ANKRD10: variants seen among roughly 807,000 people sequenced by gnomAD.
ANKRD10 encodes the protein ankyrin repeat domain 10.
In ANKRD10, 14 loss-of-function variants were observed where a neutral mutation model predicts 27.0. The ratio of observed to expected loss-of-function variants is 0.52; its 90% confidence interval spans 0.34 to 0.81. The LOEUF is 0.81. Ranked by LOEUF, ANKRD10 falls within the 40% of genes least tolerant of loss-of-function variation. The pLI, the probability that ANKRD10 is intolerant of heterozygous loss-of-function variation, is 0.01. For missense variants in ANKRD10, 493 were observed against 544.0 expected (o/e 0.91, Z 0.93); for synonymous variants, 250 against 224.5 (o/e 1.11, Z -1.01).
In ANKRD10 at chr13:110,914,762, C is replaced by T; in HGVS notation, c.173G>A (p.Gly58Asp). ...CGCGGCCCAGTGCACGGGCGTCCAGCCATAGAAGGAGTCCTCAGAGGCCAG... is the reference window on the plus strand; with the variant it reads ...CGCGGCCCAGTGCACGGGCGTCCAGTCATAGAAGGAGTCCTCAGAGGCCAG... ...AHLASEDSFY[G>D]WTPVHWAAHF... Residue 58 changes from glycine (G) to aspartate (D), a missense_variant, in exon 1 of 6, where the codon GGC becomes GAC. Coordinates refer to ENST00000267339, the MANE Select transcript of ANKRD10 (RefSeq NM_017664.4). 1 of 1,598,214 alleles carries T rather than the reference C, an allele frequency of 6.3e-7. No homozygotes were observed. The highest frequency in any genetic ancestry group is 1.3e-5 in the African/African-American group (1 of 74,578).
At chr13:110,899,269 T>C (rs1420254869) in intron 3 of ANKRD10, 3 of 152,218 alleles carry the variant, frequency 2.0e-5, no homozygotes, top group Admixed American at 6.5e-5. Flanking sequence ...CTATTTTGAA[T>C]GCAAACTGGT....
intron 3 of ANKRD10, chr13:110,903,464 T>G (rs1197507008): frequency 1.3e-5 from 2 of 154,740 alleles, no homozygotes; most frequent in African/African-American, 4.8e-5. Context: ...GAAAGTCCAT[T>G]AACATACTCA....
At chr13:110,880,422 A>G (rs2064792544) in intron 5 of ANKRD10, among the ~76,000 whole-genome samples, 1 of 152,224 alleles carries the variant, frequency 6.6e-6, no homozygotes, top group South Asian at 2.1e-4. Context: ...AGCCATCAAT[A>G]AAGTGCTCTC....
At chr13:110,887,557 TA>T (rs1315997702) in intron 4 of ANKRD10, among the ~76,000 whole-genome samples, 1 of 152,180 alleles carries the variant, frequency 6.6e-6, no homozygotes, top group Non-Finnish European at 1.5e-5. Flanking sequence ...AAGCACTCTA[TA>T]AAGTCATACT....
At chr13:110,910,260 C>T (rs1187075918) in intron 2 of ANKRD10, among the ~76,000 whole-genome samples, 4 of 152,170 alleles carry the variant, frequency 2.6e-5, no homozygotes, top group Non-Finnish European at 5.9e-5. Context: ...CATGCTTTTC[C>T]CAGGATGAAA....
chr13:110,910,699 C>G lies in ANKRD10; in HGVS notation c.282G>C (p.Thr94=). The change falls in exon 2 of 6, where the codon ACG becomes ACC. Residue 94 remains threonine (T), a synonymous_variant. Coordinates refer to ENST00000267339, the MANE Select transcript of ANKRD10 (RefSeq NM_017664.4). Reference sequence around the variant, plus strand: ...CCCCAAAGGCTGCAATGTGGGCTGGCGTCTGCGCGTACCGTGTGGTGGAGA... The same window carrying G: ...CCCCAAAGGCTGCAATGTGGGCTGGGGTCTGCGCGTACCGTGTGGTGGAGA... ...LNVSTTRYAQ[T]PAHIAAFGGH... 1.2e-6 allele frequency: 2 copies of G among 1,614,140 alleles called. No homozygotes were observed. The highest frequency in any genetic ancestry group is 1.7e-6 in the Non-Finnish European group (2 of 1,180,022).
chr13:110,880,059 T>C lies in ANKRD10; in HGVS notation c.841A>G (p.Asn281Asp). Reference sequence around the variant, plus strand: ...GTGGAGGGGAAGTCCAAATGTCCATTGATGACACATCCATTTGTCAATGTA... The same window carrying C: ...GTGGAGGGGAAGTCCAAATGTCCATCGATGACACATCCATTTGTCAATGTA... Reference protein sequence around the residue: ...SNTLTNGCVINGHLDFPSTTP... With the variant: ...SNTLTNGCVIDGHLDFPSTTP... Residue 281 changes from asparagine (N) to aspartate (D), a missense_variant, in exon 6 of 6, where the codon AAT becomes GAT. By Grantham distance (23) the Asn-to-Asp change is conservative. Coordinates refer to ENST00000267339, the MANE Select transcript of ANKRD10 (RefSeq NM_017664.4). The C allele has an allele frequency of 6.2e-7, 1 of 1,614,108 alleles. No individual in the cohort carries two copies. Among genetic ancestry groups the C allele is most frequent in the Non-Finnish European group, 8.5e-7 (1 of 1,180,020 alleles).
chr13:110,912,906 G>A (rs1290883749), intron 1 of ANKRD10, among the ~76,000 whole-genome samples: 1 of 152,204 alleles, frequency 6.6e-6, no homozygotes, highest in African/African-American at 2.4e-5. Flanking sequence ...CCGTATCTAA[G>A]ACCAAAGAGC....
intron 4 of ANKRD10, among the ~76,000 whole-genome samples, chr13:110,884,429 G>A (rs1372761864): frequency 6.6e-6 from 1 of 152,122 alleles, no homozygotes. Context: ...TCATACCCAC[G>A]CTGCACAAGC....
At chr13:110,909,083 T>C (rs563919746) in intron 2 of ANKRD10, among the ~76,000 whole-genome samples, 9 of 152,306 alleles carry the variant, frequency 5.9e-5, no homozygotes, top group Admixed American at 3.9e-4. Context: ...CTGAAAATAC[T>C]GAACTGCCAT....
intron 5 of ANKRD10, among the ~76,000 whole-genome samples, chr13:110,881,685 T>C (rs901615019): frequency 1.3e-5 from 2 of 152,208 alleles, no homozygotes; most frequent in Non-Finnish European, 2.9e-5. Context: ...TAAACAATGT[T>C]TTCCTAGGTG....
intron 4 of ANKRD10, among the ~76,000 whole-genome samples, chr13:110,885,245 G>GA (rs1219549958): frequency 1.3e-5 from 2 of 150,732 alleles, no homozygotes; most frequent in Non-Finnish European, 3.0e-5. Context: ...GGCATCTTTT[G>GA]AAAAAAAGAG....
At chr13:110,886,648 G>A (rs888282377) in intron 4 of ANKRD10, among the ~76,000 whole-genome samples, 48 of 152,182 alleles carry the variant, frequency 3.2e-4, no homozygotes, top group African/African-American at 1.0e-3. Context: ...ATTTGGACCT[G>A]TAAGACCCTA....
At chr13:110,896,083 C>T (rs1056838774) in intron 3 of ANKRD10, among the ~76,000 whole-genome samples, 1 of 152,210 alleles carries the variant, frequency 6.6e-6, no homozygotes, top group South Asian at 2.1e-4. Context: ...CAACTTCTAG[C>T]ATCTCACATA....
rs71127979 is a variant in ANKRD10 at position 110,892,416 on chromosome 13, C to CAAAAAAAAA, written c.691+603_691+611dup. Reference sequence around the variant, plus strand: ...TTGCACTCCAGCCTGGGTGACAGAGCAAAAAAAAAAAAAAAAAAAATGGTG... The same window carrying CAAAAAAAAA: ...TTGCACTCCAGCCTGGGTGACAGAGCAAAAAAAAAAAAAAAAAAAAAAAAAAAAATGGTG... On this transcript the variant is annotated intron_variant, in intron 4 of 5. Coordinates refer to ENST00000267339, the MANE Select transcript of ANKRD10 (RefSeq NM_017664.4). 6.9e-3 allele frequency among the ~76,000 whole-genome samples: 135 copies of CAAAAAAAAA among 19,546 alleles called. 26 individuals carry two copies. Among genetic ancestry groups the CAAAAAAAAA allele is most frequent in the East Asian group, 0.037 (9 of 242 alleles). 12.8% of individuals were successfully genotyped at this position (19,546 alleles called of 152,430 possible). A position where few individuals can be genotyped will look rare whatever the true frequency, so the allele number is the denominator to read the frequency against.
chr13:110,914,797 G>C lies in ANKRD10; in HGVS notation c.138C>G (p.Pro46=), dbSNP rs369307007. The change falls in exon 1 of 6, where the codon CCC becomes CCG. Residue 46 remains proline (P), a synonymous_variant. Coordinates refer to ENST00000267339, the MANE Select transcript of ANKRD10 (RefSeq NM_017664.4). ...AGTCCTCAGAGGCCAGGTGGGCGTG[G>C]GGTGTCTGCTGCAGCAGCGAGCAGA... ...ATLCSLLQQT[P]HAHLASEDSF... 1.3e-6 allele frequency: 2 copies of C among 1,595,356 alleles called. No homozygotes were observed. Among genetic ancestry groups the C allele is most frequent in the African/African-American group, 2.7e-5 (2 of 74,420 alleles).
intron 3 of ANKRD10, among the ~76,000 whole-genome samples, chr13:110,896,687 A>C (rs2065234737): frequency 6.6e-6 from 1 of 152,254 alleles, no homozygotes; most frequent in East Asian, 1.9e-4. Context: ...CTAACTACTC[A>C]ATTCTTTTGT....
In ANKRD10 at chr13:110,910,705, C is replaced by A. The variant is rs34628205; in HGVS notation, c.276G>T (p.Ala92=). 8.7e-6 allele frequency: 14 copies of A among 1,614,100 alleles called. No homozygotes were observed. The highest frequency in any genetic ancestry group is 1.2e-5 in the Non-Finnish European group (14 of 1,180,028). ...ATLNVSTTRY[A]QTPAHIAAFG... ...AGGCTGCAATGTGGGCTGGCGTCTG[C>A]GCGTACCGTGTGGTGGAGACGTTGA... The change falls in exon 2 of 6, where the codon GCG becomes GCT. Residue 92 remains alanine, a synonymous_variant. Transcript: ENST00000267339.
intron 3 of ANKRD10, among the ~76,000 whole-genome samples, 177 bp downstream of exon 3, chr13:110,905,851 CCTCTA>C (rs2065516723): frequency 6.6e-6 from 1 of 152,164 alleles, no homozygotes; most frequent in Admixed American, 6.5e-5. Flanking sequence ...TAAACCCCCT[CCTCTA>C]GAGATCAATT....
Sources: gnomAD v4.1 joint callset for allele counts (sites outside exome capture counted in the v4.1 genomes callset) on GRCh38, gnomAD v4.1.1 for gene constraint, MANE v1.5 for transcripts, NCBI Gene and HGNC (gene_info 2026-07-23, HGNC 2026-07-21) for gene names.